The following ANKRD30BL variants were observed in gnomAD, a reference collection of about 807,000 sequenced individuals.
ANKRD30BL encodes putative ankyrin repeat domain-containing protein 30B-like.
In ANKRD30BL, 20 loss-of-function variants were observed where a neutral mutation model predicts 18.4. The ratio of observed to expected loss-of-function variants is 1.09; its 90% confidence interval spans 0.77 to 1.58. The LOEUF (loss-of-function observed/expected upper bound fraction) is 1.58. ANKRD30BL is among the 40% of genes most tolerant of loss of function. The pLI, the probability that ANKRD30BL is intolerant of heterozygous loss-of-function variation, is 0.00. For synonymous variants in ANKRD30BL, 72 were observed against 100.9 expected (o/e 0.71, Z 1.72); for missense variants, 224 against 268.6 (o/e 0.83, Z 1.16).
At chr2:132,176,828 G>A (rs1688374671) in intron 1 of ANKRD30BL, among the ~76,000 whole-genome samples, 1 of 152,088 alleles carries the variant, frequency 6.6e-6, no homozygotes, top group Non-Finnish European at 1.5e-5. Flanking sequence ...CTTATGCTTA[G>A]GATTTAGGCT....
intron 1 of ANKRD30BL, among the ~76,000 whole-genome samples, chr2:132,177,826 A>G (rs1378311526): frequency 1.3e-5 from 2 of 152,162 alleles, no homozygotes; most frequent in Admixed American, 6.5e-5. Context: ...AAAAATGACA[A>G]TATTGACATT....
At chr2:132,197,437 C>T (rs1169463318) in intron 1 of ANKRD30BL, among the ~76,000 whole-genome samples, 2 of 151,910 alleles carry the variant, frequency 1.3e-5, no homozygotes, top group Non-Finnish European at 2.9e-5. Context: ...ATTTATGAAT[C>T]GATTTATATT....
At chr2:132,189,200 C>G (rs80031450) in intron 1 of ANKRD30BL, among the ~76,000 whole-genome samples, 1 of 152,272 alleles carries the variant, frequency 6.6e-6, no homozygotes, top group East Asian at 1.9e-4. Context: ...GAAATTTTAT[C>G]GGCACATTTA....
At chr2:132,252,248 G>A (rs575570518) in intron 1 of ANKRD30BL, among the ~76,000 whole-genome samples, 2 of 152,348 alleles carry the variant, frequency 1.3e-5, no homozygotes, top group South Asian at 2.1e-4. Context: ...GCCAAGTCTA[G>A]GGACATGCTA....
At chr2:132,164,605 G>A (rs936071510), upstream of ANKRD30BL, among the ~76,000 whole-genome samples, 5 of 151,886 alleles carry the variant, frequency 3.3e-5, no homozygotes, top group African/African-American at 1.2e-4. Context: ...CATTTTCTAA[G>A]ATGCTTATGT....
intron 1 of ANKRD30BL, among the ~76,000 whole-genome samples, chr2:132,194,870 A>G (rs1376891238): frequency 1.3e-5 from 2 of 152,230 alleles, no homozygotes; most frequent in African/African-American, 2.4e-5. Flanking sequence ...TTTGGAAAAA[A>G]CAATGCTGCA....
At chr2:132,160,160 G>A (rs1359093836) in intron 1 of ANKRD30BL, among the ~76,000 whole-genome samples, 2 of 152,098 alleles carry the variant, frequency 1.3e-5, no homozygotes, top group Admixed American at 1.3e-4. Flanking sequence ...AGAGTGCAGT[G>A]ATGGGATCTC....
At chr2:132,224,093 A>G (rs1391000800) in intron 1 of ANKRD30BL, among the ~76,000 whole-genome samples, 1 of 152,090 alleles carries the variant, frequency 6.6e-6, no homozygotes, top group Non-Finnish European at 1.5e-5. Context: ...GCAAGAGGAT[A>G]TTTGTGCTGT....
chr2:132,228,636 T>A, intron 1 of ANKRD30BL, among the ~76,000 whole-genome samples: 1 of 150,484 alleles, frequency 6.6e-6, no homozygotes, highest in East Asian at 2.0e-4. Flanking sequence ...TCTGAGAAAT[T>A]TCTTTGTGAT....
At chr2:132,162,826 C>T (rs1174546286), upstream of ANKRD30BL, among the ~76,000 whole-genome samples, 2 of 152,244 alleles carry the variant, frequency 1.3e-5, no homozygotes, top group African/African-American at 4.8e-5. Context: ...TGCGGCTGAG[C>T]AGCAGGTTCA....
In ANKRD30BL at chr2:132,237,832, T is replaced by C. The variant is rs888567963; in HGVS notation, n.441+19697A>G. Among the ~76,000 whole-genome samples, 12 of 152,188 alleles carry C rather than the reference T, an allele frequency of 7.9e-5. 1 individual carries two copies. Among genetic ancestry groups the C allele is most frequent in the African/African-American group, 2.9e-4 (12 of 41,552 alleles). On this transcript the variant is annotated intron_variant and non_coding_transcript_variant, in intron 1 of 4. Transcript: ENST00000470729. ...AGAAGAATTCTCAGAAACTTCCTCA[T>C]GATGTGTGTACTTAACTCACAGAGT...
At chr2:132,198,913 C>T (rs1037820890) in intron 1 of ANKRD30BL, among the ~76,000 whole-genome samples, 11 of 152,140 alleles carry the variant, frequency 7.2e-5, no homozygotes, top group African/African-American at 1.7e-4. Flanking sequence ...CCACTGTGCC[C>T]GGCCCAGTCC....
chr2:132,226,746 C>T (rs140842801), intron 1 of ANKRD30BL, among the ~76,000 whole-genome samples: 17 of 151,704 alleles, frequency 1.1e-4, no homozygotes, highest in South Asian at 8.3e-4. Context: ...GTGATGTGTG[C>T]GTTCATCTCA....
chr2:132,236,664 TA>T (rs906461439), intron 1 of ANKRD30BL, among the ~76,000 whole-genome samples: 2 of 152,176 alleles, frequency 1.3e-5, no homozygotes, highest in African/African-American at 4.8e-5. Flanking sequence ...GGAACCCTTT[TA>T]CACTGTTGGT....
intron 1 of ANKRD30BL, among the ~76,000 whole-genome samples, chr2:132,220,930 C>G (rs375576155): frequency 6.6e-6 from 1 of 151,808 alleles, no homozygotes; most frequent in African/African-American, 2.4e-5. Flanking sequence ...CTCCTCTTCC[C>G]GGCCGCCATC....
chr2:132,203,618 C>T (rs1199114512), intron 1 of ANKRD30BL, among the ~76,000 whole-genome samples: 5 of 151,940 alleles, frequency 3.3e-5, no homozygotes, highest in Admixed American at 6.6e-5. Context: ...CAATTGAATA[C>T]AATTTCTCAG....
At chr2:132,249,418 C>G (rs796935964) in intron 1 of ANKRD30BL, among the ~76,000 whole-genome samples, 1 of 152,114 alleles carries the variant, frequency 6.6e-6, no homozygotes, top group Non-Finnish European at 1.5e-5. Context: ...AATGAAGTCA[C>G]ACATCACAAA....
At chr2:132,232,096 G>A (rs1275255014) in intron 1 of ANKRD30BL, among the ~76,000 whole-genome samples, 1 of 152,058 alleles carries the variant, frequency 6.6e-6, no homozygotes, top group Non-Finnish European at 1.5e-5. Flanking sequence ...ACACGGCAGG[G>A]TATTCCAACA....
intron 1 of ANKRD30BL, among the ~76,000 whole-genome samples, chr2:132,242,193 A>C (rs1573884229): frequency 6.6e-6 from 1 of 151,518 alleles, no homozygotes; most frequent in South Asian, 2.1e-4. Flanking sequence ...GGAAACGGGA[A>C]TACCTTCAGA....
Sources: gnomAD v4.1 joint callset for allele counts (sites outside exome capture counted in the v4.1 genomes callset) on GRCh38, gnomAD v4.1.1 for gene constraint, MANE v1.5 for transcripts, NCBI Gene and HGNC (gene_info 2026-07-23, HGNC 2026-07-21) for gene names.